PIK3CB: variants seen among roughly 807,000 people sequenced by gnomAD.
The protein encoded by PIK3CB is phosphatidylinositol-4,5-bisphosphate 3-kinase catalytic subunit beta, also known as phosphatidylinositol 4,5-bisphosphate 3-kinase catalytic subunit beta isoform.
A neutral mutation model predicts 136.8 loss-of-function variants in PIK3CB; 39 were observed. That is an observed-to-expected ratio of 0.29 (90% CI 0.22 to 0.37). The LOEUF (loss-of-function observed/expected upper bound fraction) is 0.37, where lower values mean the gene tolerates loss of function less well. PIK3CB is among the 10% of genes least tolerant of loss of function. PIK3CB has a pLI of 1.00. For synonymous variants in PIK3CB, 428 were observed against 436.6 expected (o/e 0.98, Z 0.25); for missense variants, 868 against 1,275.4 (o/e 0.68, Z 4.87).
At chr3:138,666,390 C>A (rs1049611505) in intron 19 of PIK3CB, among the ~76,000 whole-genome samples, 1 of 151,962 alleles carries the variant, frequency 6.6e-6, no homozygotes, top group African/African-American at 2.4e-5. Flanking sequence ...TGTTGCTAAG[C>A]TTGTAACTCC....
chr3:138,783,903 T>C (rs1427170263), intron 2 of PIK3CB, among the ~76,000 whole-genome samples: 1 of 152,150 alleles, frequency 6.6e-6, no homozygotes, highest in Non-Finnish European at 1.5e-5. Flanking sequence ...ATAATTAGTT[T>C]CCCAAAAGCC....
At position 138,764,453 on chromosome 3, in the gene PIK3CB, A is replaced by T. The variant is rs571021218; in HGVS notation, c.-16-5094T>A. On this transcript the variant is annotated intron_variant, in intron 2 of 23. Coordinates refer to ENST00000674063, the MANE Select transcript of PIK3CB (RefSeq NM_006219.3). The stretch of plus-strand genomic sequence containing the variant: ...GGCAAGAGTGAGACTATGTCTCAAA[A>T]AGTAAAATAAAAAATAAAATGAATT... 7.3e-5 allele frequency among the ~76,000 whole-genome samples: 11 copies of T among 151,654 alleles called. No individual in the cohort carries two copies. In the East Asian group the frequency reaches 1.2e-3, roughly 16 times the overall value.
intron 19 of PIK3CB, among the ~76,000 whole-genome samples, chr3:138,666,195 G>C (rs1313791292): frequency 6.6e-6 from 1 of 152,038 alleles, no homozygotes; most frequent in Admixed American, 6.6e-5. Context: ...TTAAGAGTCA[G>C]TGTGTCTCTT....
At chr3:138,730,286 A>G (rs1325857727) in intron 8 of PIK3CB, among the ~76,000 whole-genome samples, 1 of 152,218 alleles carries the variant, frequency 6.6e-6, no homozygotes, top group African/African-American at 2.4e-5. Context: ...TATGGACATA[A>G]AATGTCAATG....
intron 1 of PIK3CB, among the ~76,000 whole-genome samples, chr3:138,810,644 CA>C (rs1476451931): frequency 6.6e-6 from 1 of 152,108 alleles, no homozygotes; most frequent in African/African-American, 2.4e-5. Context: ...TTGGGCCGGG[CA>C]TGGTGGCTCA....
chr3:138,832,348 C>G (rs1201575159), intron 1 of PIK3CB, among the ~76,000 whole-genome samples: 4 of 152,028 alleles, frequency 2.6e-5, no homozygotes, highest in Non-Finnish European at 4.4e-5. Context: ...ATTTTTGCTT[C>G]TTAAGTCATT....
intron 20 of PIK3CB, among the ~76,000 whole-genome samples, chr3:138,664,302 A>C (rs361087): frequency 0.64 from 96,715 of 151,900 alleles, 31,441 homozygotes; most frequent in East Asian, 0.99. Flanking sequence ...TGAGTAGACT[A>C]ATGTTCACAG....
chr3:138,807,598 A>C (rs1404846707), intron 1 of PIK3CB, among the ~76,000 whole-genome samples: 1 of 152,108 alleles, frequency 6.6e-6, no homozygotes, highest in Non-Finnish European at 1.5e-5. Flanking sequence ...AAAAAGAAAG[A>C]AAAGTCCAGG....
At chr3:138,784,353 G>A (rs1421678014) in intron 2 of PIK3CB, among the ~76,000 whole-genome samples, 1 of 152,126 alleles carries the variant, frequency 6.6e-6, no homozygotes, top group African/African-American at 2.4e-5. Context: ...CTGCACTCCA[G>A]CCTGGGCAAC....
rs1260197332 is a variant in PIK3CB, at chr3:138,691,030, C to T, written c.2006G>A (p.Arg669Lys). 1 of 1,613,174 alleles carries T rather than the reference C, an allele frequency of 6.2e-7. No homozygotes were observed. Among genetic ancestry groups the T allele is most frequent in the Non-Finnish European group, 8.5e-7 (1 of 1,179,422 alleles). ...FLLERALGNR[R>K]IGQFLFWHLR... ...ATGCCAAAATAGAAACTGCCCTATCCTCCGATTACCAAGTGCTCTTTCTAA... is the reference window on the plus strand; with the variant it reads ...ATGCCAAAATAGAAACTGCCCTATCTTCCGATTACCAAGTGCTCTTTCTAA... The change falls in exon 15 of 24, where the codon AGG (arginine) becomes AAG (lysine). Residue 669 changes from arginine to lysine, a missense_variant. Physicochemically the swap from Arg to Lys is conservative, Grantham distance 26 (BLOSUM62 2). Around this residue, in one of 4 missense-constraint regions of PIK3CB, gnomAD observed 612 missense variants for 801.1 expected, o/e 0.76. Coordinates refer to ENST00000674063, the MANE Select transcript of PIK3CB (RefSeq NM_006219.3).
intron 1 of PIK3CB, among the ~76,000 whole-genome samples, chr3:138,810,127 A>C (rs76866187): frequency 0.032 from 4,857 of 152,302 alleles, 260 homozygotes; most frequent in African/African-American, 0.11. Flanking sequence ...GCAACAAAGT[A>C]ATAAAGTATT....
chr3:138,763,882 G>T (rs564549547), intron 2 of PIK3CB, among the ~76,000 whole-genome samples: 12 of 152,152 alleles, frequency 7.9e-5, no homozygotes, highest in Non-Finnish European at 1.5e-4. Flanking sequence ...GGAGGCCAAG[G>T]CGGGCAGATC....
At chr3:138,661,412 T>A (rs2043293763) in intron 21 of PIK3CB, among the ~76,000 whole-genome samples, 1 of 152,212 alleles carries the variant, frequency 6.6e-6, no homozygotes, top group Admixed American at 6.5e-5. Context: ...TTTTCTCAGT[T>A]CTGCTAAGTC....
At chr3:138,777,754 T>G (rs1250049109) in intron 2 of PIK3CB, 1 of 153,586 alleles carries the variant, frequency 6.5e-6, no homozygotes, top group Non-Finnish European at 1.4e-5. Context: ...AAAAAAAAAA[T>G]TTACACTTTC....
chr3:138,805,926 C>T (rs564453450), intron 1 of PIK3CB, among the ~76,000 whole-genome samples: 5 of 151,406 alleles, frequency 3.3e-5, no homozygotes, highest in African/African-American at 9.7e-5. Flanking sequence ...GATGGGGTTT[C>T]ACCACGTTGG....
Position 138,734,639 on chromosome 3 carries a change from T to C in PIK3CB, c.967A>G (p.Ile323Val), listed in dbSNP as rs2045062541. 1.2e-6 allele frequency: 2 copies of C among 1,606,560 alleles called. No homozygotes were observed. The highest frequency in any genetic ancestry group is 1.7e-6 in the Non-Finnish European group (2 of 1,174,996). The change falls in exon 7 of 24, where the codon ATT becomes GTT. Residue 323 changes from isoleucine to valine, a missense_variant. Coordinates refer to ENST00000674063, the MANE Select transcript of PIK3CB (RefSeq NM_006219.3). ...LPLPPKKTRIISHVWENNNPF... is the reference protein window; with the variant it reads ...LPLPPKKTRIVSHVWENNNPF... ...GGTTCAGAAATAAAACTTACAGAAA[T>C]AATTCGTGTTTTCTTTGGTGGTAAT...
At chr3:138,773,264 T>G (rs375017545) in intron 2 of PIK3CB, among the ~76,000 whole-genome samples, 1 of 151,874 alleles carries the variant, frequency 6.6e-6, no homozygotes, top group Admixed American at 6.6e-5. Flanking sequence ...TTAGGCGTGT[T>G]GTCAGGCGCC....
chr3:138,716,839 A>T (rs1294083913), intron 8 of PIK3CB, among the ~76,000 whole-genome samples: 1 of 135,424 alleles, frequency 7.4e-6, no homozygotes, highest in Non-Finnish European at 1.5e-5. Flanking sequence ...GGTTGCAGTG[A>T]GCCAAGACTG....
At chr3:138,781,787 G>T (rs574517321) in intron 2 of PIK3CB, among the ~76,000 whole-genome samples, 1 of 152,238 alleles carries the variant, frequency 6.6e-6, no homozygotes, top group South Asian at 2.1e-4. Flanking sequence ...AGGTGAGGGG[G>T]TGCACACTTA....
Sources: allele counts gnomAD v4.1 joint callset (sites outside exome capture counted in the v4.1 genomes callset), GRCh38; gene constraint gnomAD v4.1.1; regional missense constraint gnomAD v4.1.1; transcripts MANE v1.5; gene names NCBI Gene and HGNC (gene_info 2026-07-23, HGNC 2026-07-21).